The following MAP3K2 variants were observed in gnomAD, a reference collection of about 807,000 sequenced individuals.
MAP3K2 encodes the protein MAP/ERK kinase kinase 2.
A neutral mutation model predicts 80.3 loss-of-function variants in MAP3K2; 24 were observed. That is an observed-to-expected ratio of 0.30 (90% confidence interval 0.22 to 0.42). The LOEUF (loss-of-function observed/expected upper bound fraction) is 0.42. Among genes scored for constraint, MAP3K2 ranks in the 10% least tolerant of loss-of-function variants. The probability of loss-of-function intolerance (pLI) is 1.00; values close to 1 mark genes in which losing one functional copy is unlikely to be tolerated. For synonymous variants in MAP3K2, 244 were observed against 253.7 expected (o/e 0.96, Z 0.36); for missense variants, 608 against 750.1 (o/e 0.81, Z 2.21).
intron 1 of MAP3K2, among the ~76,000 whole-genome samples, chr2:127,361,862 C>G (rs1686899770): frequency 6.6e-6 from 1 of 152,060 alleles, no homozygotes; most frequent in Non-Finnish European, 1.5e-5. Context: ...TATTACAAAC[C>G]CATGTCCTTG....
At chr2:127,316,739 G>A (rs1309429733) in intron 14 of MAP3K2, 1 of 152,118 alleles carries the variant, frequency 6.6e-6, no homozygotes, top group African/African-American at 2.4e-5. Flanking sequence ...GCTCCTGATA[G>A]GATGCAACAT....
chr2:127,307,932 T>C lies in MAP3K2; in HGVS notation c.1635-128A>G. 1.6e-6 allele frequency: 1 copy of C among 608,474 alleles called. No homozygotes were observed. 37.7% of individuals were successfully genotyped at this position (608,474 alleles called of 1,614,324 possible). A position where few individuals can be genotyped will look rare whatever the true frequency, so the allele number is the denominator to read the frequency against. ...TATGACTTAATTTCAAGTTCAAAGT[T>C]TCATTAAAAAGTTCTAATTTCGTAA... On this transcript the variant is annotated intron_variant, in intron 16 of 16. Coordinates refer to ENST00000682094, the MANE Select transcript of MAP3K2 (RefSeq NM_001371910.2). This position sits in a 1 kb window ranked among gnomAD's most constrained non-coding sequence, Gnocchi z 5.4.
chr2:127,306,208 T>C lies in MAP3K2; in HGVS notation c.*1371A>G, dbSNP rs1298638718. On this transcript the variant is annotated 3_prime_UTR_variant, in exon 17 of 17. Coordinates refer to ENST00000682094, the MANE Select transcript of MAP3K2 (RefSeq NM_001371910.2). This position sits in a 1 kb window ranked among gnomAD's most constrained non-coding sequence, Gnocchi z 4.7. The stretch of plus-strand genomic sequence containing the variant: ...CCTTTTCTTTCTTGCATTTACTGCT[T>C]TGTAAATAGCTGTTTTCAGTTTATA... 2.0e-5 allele frequency: 3 copies of C among 152,198 alleles called. No individual in the cohort carries two copies. The highest frequency in any genetic ancestry group is 7.2e-5 in the African/African-American group (3 of 41,454). 9.4% of individuals were successfully genotyped at this position (152,198 alleles called of 1,614,324 possible).
chr2:127,382,493 G>A lies in MAP3K2; in HGVS notation c.-66+4959C>T, dbSNP rs112811958. 3.6e-3 allele frequency among the ~76,000 whole-genome samples: 543 copies of A among 152,228 alleles called. 5 individuals are homozygous for A. The highest frequency in any genetic ancestry group is 0.013 in the African/African-American group (521 of 41,536). On this transcript the variant is annotated intron_variant, in intron 1 of 16. Coordinates refer to ENST00000682094, the MANE Select transcript of MAP3K2 (RefSeq NM_001371910.2). Reference sequence around the variant, plus strand: ...TTGATAGTTTTCTTCTTTCAGTAGAGGTATACCTTGTTTTATTTCACTTTT... The same window carrying A: ...TTGATAGTTTTCTTCTTTCAGTAGAAGTATACCTTGTTTTATTTCACTTTT...
At chr2:127,353,302 T>C (rs575034502) in intron 1 of MAP3K2, among the ~76,000 whole-genome samples, 35 of 151,006 alleles carry the variant, frequency 2.3e-4, no homozygotes, top group South Asian at 8.4e-4. Flanking sequence ...GGAGGGCCTC[T>C]GCCCCGCCGC....
chr2:127,354,028 C>CCTGTT (rs1686753132), intron 1 of MAP3K2, among the ~76,000 whole-genome samples: 1 of 151,920 alleles, frequency 6.6e-6, no homozygotes, highest in South Asian at 2.1e-4. Flanking sequence ...CTTTGTTAAA[C>CCTGTT]AGATGCTTGA....
In MAP3K2 at chr2:127,305,136, A is replaced by G. The variant is rs1411015350; in HGVS notation, c.*2443T>C. The stretch of plus-strand genomic sequence containing the variant: ...AGTCTCACCAGATTTCTCTCTAAAG[A>G]GCATTTGTCTCATATTGTGCACTGC... On this transcript the variant is annotated 3_prime_UTR_variant, in exon 17 of 17. Coordinates refer to ENST00000682094, the MANE Select transcript of MAP3K2 (RefSeq NM_001371910.2). The G allele has an allele frequency of 1.3e-5, 2 of 152,524 alleles. No individual in the cohort carries two copies. The highest frequency in any genetic ancestry group is 2.9e-5 in the Non-Finnish European group (2 of 67,986). The allele number at this position is 152,524 out of a possible 1,614,324, so 9.4% of individuals were successfully genotyped here. A position where few individuals can be genotyped will look rare whatever the true frequency, so the allele number is the denominator to read the frequency against.
intron 1 of MAP3K2, among the ~76,000 whole-genome samples, chr2:127,376,678 T>A (rs1207278197): frequency 6.6e-6 from 1 of 152,204 alleles, no homozygotes; most frequent in African/African-American, 2.4e-5. Flanking sequence ...ATACATGGTA[T>A]GAGCAAAACA....
rs2104797984 is a variant in MAP3K2 at position 127,303,880 on chromosome 2, C to G, written c.*3699G>C. The G allele has an allele frequency of 6.6e-6, 1 of 152,278 alleles. No individual in the cohort carries two copies. The highest frequency in any genetic ancestry group is 2.4e-5 in the African/African-American group (1 of 41,562). The allele number at this position is 152,278 out of a possible 1,614,324, so 9.4% of individuals were successfully genotyped here. On this transcript the variant is annotated 3_prime_UTR_variant, in exon 17 of 17. Transcript: ENST00000682094. ...GGCTTGGTCATCCTGCTAAACTATTCACATCTGATTTTATTTTCTAAGTGA... is the reference window on the plus strand; with the variant it reads ...GGCTTGGTCATCCTGCTAAACTATTGACATCTGATTTTATTTTCTAAGTGA...
chr2:127,383,874 AT>A lies in MAP3K2; in HGVS notation c.-66+3577del, dbSNP rs111243354. On this transcript the variant is annotated intron_variant, in intron 1 of 16. Transcript: ENST00000682094. The stretch of plus-strand genomic sequence containing the variant: ...TCTAGCATTTTTTTGGCAACAAATA[AT>A]TTTTTTTTTTTTTTTTGAGATGGAG... Among the ~76,000 whole-genome samples the A allele has an allele frequency of 4.0e-3, 560 of 141,360 alleles. 3 individuals carry two copies. Among genetic ancestry groups the A allele is most frequent in the African/African-American group, 0.013 (483 of 37,948 alleles). The allele number at this position is 141,360 out of a possible 152,430, so 92.7% of individuals were successfully genotyped here. A position where few individuals can be genotyped will look rare whatever the true frequency, so the allele number is the denominator to read the frequency against.
chr2:127,388,227 GTGTGCGCGGCGCATA>G (rs200754421), upstream of MAP3K2: 62,990 of 984,352 alleles, frequency 0.064, 2,411 homozygotes, highest in African/African-American at 0.17. Flanking sequence ...GTGCTGTTCC[GTGTGCGCGGCGCATA>G]CGCACCTGGG....
intron 1 of MAP3K2, among the ~76,000 whole-genome samples, chr2:127,375,636 T>C (rs1233166255): frequency 1.3e-5 from 2 of 151,900 alleles, no homozygotes; most frequent in East Asian, 1.9e-4. Flanking sequence ...TCTCAAACTC[T>C]TGACCTCGTG....
upstream of MAP3K2, chr2:127,388,163 T>G: frequency 1.0e-6 from 1 of 984,460 alleles, no homozygotes; most frequent in Non-Finnish European, 1.2e-6. Context: ...GGATTCCCAG[T>G]CCTGGCTCCG....
At chr2:127,350,754 G>GA (rs564067115) in intron 1 of MAP3K2, among the ~76,000 whole-genome samples, 5 of 147,820 alleles carry the variant, frequency 3.4e-5, no homozygotes, top group South Asian at 2.1e-4. Flanking sequence ...TTTTTCAAAG[G>GA]AAAAAAAAGT....
At chr2:127,366,965 G>A (rs1248625473) in intron 1 of MAP3K2, among the ~76,000 whole-genome samples, 1 of 141,084 alleles carries the variant, frequency 7.1e-6, no homozygotes, top group Non-Finnish European at 1.5e-5. Flanking sequence ...CCACCTCCCG[G>A]ATTCAAGCCA....
chr2:127,335,173 C>A (rs1361077238), intron 5 of MAP3K2, among the ~76,000 whole-genome samples: 1 of 152,162 alleles, frequency 6.6e-6, no homozygotes, highest in African/African-American at 2.4e-5. Context: ...TGAGGTGCTG[C>A]AACTTATAAC....
chr2:127,308,991 T>C (rs1449562945), intron 15 of MAP3K2, among the ~76,000 whole-genome samples: 1 of 152,152 alleles, frequency 6.6e-6, no homozygotes, highest in Non-Finnish European at 1.5e-5. Flanking sequence ...GTTTAGGACC[T>C]AGGACGTTTC....
rs888424217 is a variant in MAP3K2, at chr2:127,339,294, C to T, written c.5-244G>A. 5.9e-5 allele frequency among the ~76,000 whole-genome samples: 9 copies of T among 152,004 alleles called. No homozygotes were observed. Among genetic ancestry groups the T allele is most frequent in the African/African-American group, 2.2e-4 (9 of 41,394 alleles). On this transcript the variant is annotated intron_variant, in intron 2 of 16. Transcript: ENST00000682094. The surrounding 1 kb of genome is among the most constrained non-coding windows in gnomAD (Gnocchi z 4.2). ...CAAGATGAAGTCATTCTGATTCTTCCAATGATTTAATATCCTAGAATAAGG... is the reference window on the plus strand; with the variant it reads ...CAAGATGAAGTCATTCTGATTCTTCTAATGATTTAATATCCTAGAATAAGG...
chr2:127,314,702 TCA>T, intron 15 of MAP3K2, 50 bp downstream of exon 15: 1 of 1,401,722 alleles, frequency 7.1e-7, no homozygotes, highest in Non-Finnish European at 9.9e-7. Flanking sequence ...CTTGTTTCAT[TCA>T]CATTCACTAA....
Sources: gnomAD v4.1 joint callset for allele counts (sites outside exome capture counted in the v4.1 genomes callset) on GRCh38, gnomAD v4.1.1 for gene constraint, Gnocchi (gnomAD v3.1) non-coding constraint, MANE v1.5 for transcripts, NCBI Gene and HGNC (gene_info 2026-07-23, HGNC 2026-07-21) for gene names.